Variants in MAP2K5 observed in about 807,000 individuals in gnomAD.
The protein encoded by MAP2K5 is mitogen-activated protein kinase kinase 5.
A neutral mutation model predicts 83.1 loss-of-function variants in MAP2K5; 49 were observed. That is an observed-to-expected ratio of 0.59 (90% CI 0.47 to 0.75). The LOEUF (loss-of-function observed/expected upper bound fraction) is 0.75, where lower values mean the gene tolerates loss of function less well. Among genes scored for constraint, MAP2K5 ranks in the 30% least tolerant of loss-of-function variants. The pLI, the probability that MAP2K5 is intolerant of heterozygous loss-of-function variation, is 0.00. For missense variants in MAP2K5, 457 were observed against 557.5 expected (o/e 0.82, Z 1.82); for synonymous variants, 202 against 191.8 (o/e 1.05, Z -0.44).
intron 8 of MAP2K5, among the ~76,000 whole-genome samples, chr15:67,605,830 G>C (rs1054955055): frequency 2.6e-5 from 4 of 152,166 alleles, no homozygotes; most frequent in Admixed American, 2.0e-4. Context: ...GGAGGTTTTA[G>C]TGGGGCTCTT....
In MAP2K5 at chr15:67,754,610, A is replaced by G. The variant is rs1295655218; in HGVS notation, c.1134+6009A>G. 5.3e-5 allele frequency among the ~76,000 whole-genome samples: 8 copies of G among 152,188 alleles called. No homozygotes were observed. The East Asian group carries it at 1.3e-3, about 26-fold the overall frequency. On this transcript the variant is annotated intron_variant, in intron 19 of 21. Coordinates refer to ENST00000178640, the MANE Select transcript of MAP2K5 (RefSeq NM_145160.3). Reference sequence around the variant, plus strand: ...TGTAAACAGTGCTGTGCAAGGTTGGATGATGTGGGAAGCTAACAAACCATC... The same window carrying G: ...TGTAAACAGTGCTGTGCAAGGTTGGGTGATGTGGGAAGCTAACAAACCATC...
chr15:67,568,230 A>G (rs11636408), intron 3 of MAP2K5, among the ~76,000 whole-genome samples: 44,769 of 152,056 alleles, frequency 0.29, 7,076 homozygotes, highest in East Asian at 0.41. Context: ...AAGAGTCCTT[A>G]TATTTAAGTG....
chr15:67,652,222 A>T lies in MAP2K5; in HGVS notation c.736+5753A>T, dbSNP rs1422694756. ...TCTGAGGTTTTCGGGGTGTGTCATT[A>T]GTGCGTGTTTTTTTTAAATTATGAT... On this transcript the variant is annotated intron_variant, in intron 11 of 21. Transcript: ENST00000178640. This position sits in a 1 kb window ranked among gnomAD's most constrained non-coding sequence, Gnocchi z 4.2. 6.6e-6 allele frequency among the ~76,000 whole-genome samples: 1 copy of T among 152,180 alleles called. No homozygotes were observed. Among genetic ancestry groups the T allele is most frequent in the Non-Finnish European group, 1.5e-5 (1 of 68,038 alleles).
intron 13 of MAP2K5, among the ~76,000 whole-genome samples, chr15:67,685,311 T>C (rs1445544206): frequency 6.6e-6 from 1 of 152,214 alleles, no homozygotes; most frequent in Non-Finnish European, 1.5e-5. Flanking sequence ...CTTTAAAATG[T>C]TGAAAGAAAG....
intron 21 of MAP2K5, among the ~76,000 whole-genome samples, chr15:67,797,894 G>T (rs2090632638): frequency 6.6e-6 from 1 of 152,136 alleles, no homozygotes; most frequent in African/African-American, 2.4e-5. Context: ...TATTGGTCAG[G>T]CTGGTCTCGA....
intron 13 of MAP2K5, among the ~76,000 whole-genome samples, chr15:67,667,658 A>T (rs1567347683): frequency 6.6e-6 from 1 of 152,192 alleles, no homozygotes; most frequent in Non-Finnish European, 1.5e-5. Flanking sequence ...AGAGTAAAAA[A>T]AAAAAGAAAT....
At chr15:67,645,744 G>T (rs1236637678) in intron 9 of MAP2K5, among the ~76,000 whole-genome samples, 1 of 151,272 alleles carries the variant, frequency 6.6e-6, no homozygotes, top group African/African-American at 2.4e-5. Context: ...GTAGAGATGG[G>T]TTCTCGCTAT....
At chr15:67,579,804 A>G (rs975603969) in intron 3 of MAP2K5, among the ~76,000 whole-genome samples, 6 of 152,228 alleles carry the variant, frequency 3.9e-5, no homozygotes, top group Admixed American at 2.6e-4. Context: ...GTCAGCAAAC[A>G]ATAGTAATCA....
intron 14 of MAP2K5, 109 bp from the exon 15 acceptor site, chr15:67,693,408 AT>A: frequency 4.8e-6 from 4 of 833,134 alleles, no homozygotes. Context: ...CTTTTACATA[AT>A]TTTTAGTTGA....
chr15:67,737,764 T>A (rs2089374052), intron 17 of MAP2K5, among the ~76,000 whole-genome samples: 1 of 151,580 alleles, frequency 6.6e-6, no homozygotes, highest in Admixed American at 6.6e-5. Flanking sequence ...AAGTGTGGAC[T>A]GTTAGGCTGC....
intron 9 of MAP2K5, 81 bp downstream of exon 9, chr15:67,631,008 CAA>C: frequency 3.5e-6 from 4 of 1,139,312 alleles, no homozygotes; most frequent in Non-Finnish European, 5.2e-6. Context: ...CAGATATTGT[CAA>C]AGAGGAGATG....
chr15:67,788,703 A>G lies in MAP2K5; in HGVS notation c.1242+15951A>G, dbSNP rs140320277. On this transcript the variant is annotated intron_variant, in intron 21 of 21. Transcript: ENST00000178640. ...ATTATGATTAAAAATTTGGCCAGACATGGTGGATCATGCTTAATTCTAGCT... is the reference window on the plus strand; with the variant it reads ...ATTATGATTAAAAATTTGGCCAGACGTGGTGGATCATGCTTAATTCTAGCT... 2.4e-3 allele frequency among the ~76,000 whole-genome samples: 361 copies of G among 152,246 alleles called. 2 individuals carry two copies. The highest frequency in any genetic ancestry group is 8.1e-3 in the African/African-American group (337 of 41,548).
At chr15:67,551,590 C>T (rs2084511994) in intron 2 of MAP2K5, among the ~76,000 whole-genome samples, 2 of 152,118 alleles carry the variant, frequency 1.3e-5, no homozygotes, top group South Asian at 2.1e-4. Context: ...GCCTTGACCT[C>T]CCTAAGTGTT....
rs189091187 is a variant in MAP2K5 at position 67,629,288 on chromosome 15, G to C, written c.546-1600G>C. ...ACATGTTTTAGACAAATACTCATGT[G>C]AATGGGCAAAAACTTGAGGACTGTA... On this transcript the variant is annotated intron_variant, in intron 8 of 21. Transcript: ENST00000178640. Among the ~76,000 whole-genome samples the C allele has an allele frequency of 4.9e-4, 75 of 152,214 alleles. 1 individual carries two copies. The East Asian group carries it at 0.012, about 25-fold the overall frequency.
intron 21 of MAP2K5, among the ~76,000 whole-genome samples, chr15:67,806,216 G>A (rs1257711646): frequency 6.6e-6 from 1 of 152,258 alleles, no homozygotes; most frequent in African/African-American, 2.4e-5. Context: ...GATTGACATA[G>A]CCTCTGACGA....
intron 13 of MAP2K5, among the ~76,000 whole-genome samples, chr15:67,682,838 A>C (rs2087853012): frequency 6.7e-6 from 1 of 149,652 alleles, no homozygotes; most frequent in Non-Finnish European, 1.5e-5. Flanking sequence ...ATCTCAAAAA[A>C]TAAAAAAAAA....
rs1459025980 is a variant in MAP2K5 at position 67,642,638 on chromosome 15, A to G, written c.586-3593A>G. 3 of 668,922 alleles carry G rather than the reference A, an allele frequency of 4.5e-6. No homozygotes were observed. The East Asian group carries it at 8.1e-5, about 18-fold the overall frequency. The allele number at this position is 668,922 out of a possible 1,614,324, so 41.4% of individuals were successfully genotyped here. A position where few individuals can be genotyped will look rare whatever the true frequency, so the allele number is the denominator to read the frequency against. On this transcript the variant is annotated intron_variant, in intron 9 of 21. Coordinates refer to ENST00000178640, the MANE Select transcript of MAP2K5 (RefSeq NM_145160.3). The stretch of plus-strand genomic sequence containing the variant: ...AGGAGCAAAGGCTGTAAGTAGGGAA[A>G]GCACAGGATATGTGTGTACACCAGG...
rs181724213 is a variant in MAP2K5, at chr15:67,573,553, G to A, written c.253-7201G>A. ...CCAATTAAACATGAGATTTGTGGGC[G>A]GGTACACAAATCCAAACCATATCAG... On this transcript the variant is annotated intron_variant, in intron 3 of 21. Coordinates refer to ENST00000178640, the MANE Select transcript of MAP2K5 (RefSeq NM_145160.3). This position sits in a 1 kb window ranked among gnomAD's most constrained non-coding sequence, Gnocchi z 4.2. Among the ~76,000 whole-genome samples the A allele has an allele frequency of 0.014, 2,074 of 152,110 alleles. 61 individuals carry two copies. Among genetic ancestry groups the A allele is most frequent in the Admixed American group, 0.063 (958 of 15,280 alleles).
At chr15:67,602,704 C>T (rs2085688550) in intron 8 of MAP2K5, among the ~76,000 whole-genome samples, 1 of 152,174 alleles carries the variant, frequency 6.6e-6, no homozygotes, top group East Asian at 1.9e-4. Context: ...CTCTGTTGCC[C>T]AGGCTGGAGT....
Sources: gnomAD v4.1 joint callset for allele counts (sites outside exome capture counted in the v4.1 genomes callset) on GRCh38, gnomAD v4.1.1 for gene constraint, Gnocchi (gnomAD v3.1) non-coding constraint, MANE v1.5 for transcripts, NCBI Gene and HGNC (gene_info 2026-07-23, HGNC 2026-07-21) for gene names.